Variants in CNPY1 observed in about 807,000 individuals in gnomAD.
CNPY1 encodes the protein canopy FGF signaling regulator 1, also known as protein canopy homolog 1.
In CNPY1, 14 loss-of-function variants were observed where a neutral mutation model predicts 14.4. The ratio of observed to expected loss-of-function variants is 0.97; its 90% CI spans 0.64 to 1.52. CNPY1 has a LOEUF of 1.52. Among genes scored for constraint, CNPY1 ranks in the 40% most tolerant of loss-of-function variants. CNPY1 has a pLI of 0.00. For synonymous variants in CNPY1, 43 were observed against 46.5 expected, an observed-to-expected ratio of 0.92 and a Z score of 0.31; for missense variants, 129 against 131.5, an observed-to-expected ratio of 0.98 and a Z score of 0.09.
chr7:155,517,415 C>G (rs887191983), intron 2 of CNPY1, among the ~76,000 whole-genome samples: 1 of 152,244 alleles, frequency 6.6e-6, no homozygotes, highest in Admixed American at 6.5e-5. Context: ...TGGCTCCTGT[C>G]TGTGGGACTT....
chr7:155,504,414 G>T (rs1187688552), intron 4 of CNPY1, among the ~76,000 whole-genome samples: 1 of 152,064 alleles, frequency 6.6e-6, no homozygotes, highest in Admixed American at 6.6e-5. Flanking sequence ...TGAAGAGTCT[G>T]TGAATGTGCC....
At chr7:155,517,686 G>A (rs146708010) in intron 2 of CNPY1, among the ~76,000 whole-genome samples, 43 of 152,324 alleles carry the variant, frequency 2.8e-4, no homozygotes, top group African/African-American at 9.4e-4. Context: ...GCAAAGTGGG[G>A]GCACTGGGCT....
intron 2 of CNPY1, among the ~76,000 whole-genome samples, chr7:155,538,654 T>C (rs1487424943): frequency 6.6e-6 from 1 of 152,080 alleles, no homozygotes; most frequent in African/African-American, 2.4e-5. Context: ...TCCTGACCCA[T>C]GAGATATGAG....
At position 155,504,810 on chromosome 7, in the gene CNPY1, G is replaced by A. The variant is rs145936250; in HGVS notation, c.401-1705C>T. On this transcript the variant is annotated intron_variant, in intron 4 of 4. Coordinates refer to ENST00000636446, the MANE Select transcript of CNPY1 (RefSeq NM_001393663.1). ...GGGCAAGATCACAAGGAAAAGTATC[G>A]CCTTCACAAAGCAGAGTATGACTGT... 2.7e-3 allele frequency among the ~76,000 whole-genome samples: 416 copies of A among 151,920 alleles called. 5 individuals are homozygous for A. Among genetic ancestry groups the A allele is most frequent in the African/African-American group, 9.6e-3 (397 of 41,396 alleles).
At chr7:155,526,250 C>T (rs1293272124) in intron 2 of CNPY1, among the ~76,000 whole-genome samples, 4 of 152,180 alleles carry the variant, frequency 2.6e-5, no homozygotes, top group Non-Finnish European at 4.4e-5. Flanking sequence ...ATTTGATAAA[C>T]GGCTCTGGTA....
intron 2 of CNPY1, among the ~76,000 whole-genome samples, chr7:155,521,884 C>T (rs1287562373): frequency 1.3e-5 from 2 of 152,220 alleles, no homozygotes; most frequent in Non-Finnish European, 2.9e-5. Flanking sequence ...AGCGGCCTTG[C>T]ACCTGCAGTT....
chr7:155,514,960 A>C (rs1796588706), intron 2 of CNPY1, among the ~76,000 whole-genome samples: 1 of 152,208 alleles, frequency 6.6e-6, no homozygotes, highest in Non-Finnish European at 1.5e-5. Flanking sequence ...GAAAAGGGAC[A>C]AATGAACTGG....
At chr7:155,523,686 G>A (rs558720391) in intron 2 of CNPY1, among the ~76,000 whole-genome samples, 115 of 152,252 alleles carry the variant, frequency 7.6e-4, no homozygotes, top group Admixed American at 1.2e-3. Context: ...AGTGCCCCAG[G>A]ATCCCCCAGT....
chr7:155,542,456 C>A (rs114421958), intron 2 of CNPY1, among the ~76,000 whole-genome samples: 3 of 152,178 alleles, frequency 2.0e-5, no homozygotes, highest in Non-Finnish European at 4.4e-5. Context: ...GCTTGCCCTT[C>A]GGGGCTCACC....
rs60236629 is a variant in CNPY1, at chr7:155,502,003, T to TGGGGGGGGGGTGGG, written c.*1064_*1065insCCCACCCCCCCCCC. Reference sequence around the variant, plus strand: ...GCAAAGAGTTTTGGGTCGGGGGGGTTGGGGGGGGGATTTGTAGCATCCTAC... The same window carrying TGGGGGGGGGGTGGG: ...GCAAAGAGTTTTGGGTCGGGGGGGTTGGGGGGGGGGTGGGGGGGGGGGGATTTGTAGCATCCTAC... On this transcript the variant is annotated 3_prime_UTR_variant, in exon 5 of 5. Coordinates refer to ENST00000636446, the MANE Select transcript of CNPY1 (RefSeq NM_001393663.1). The TGGGGGGGGGGTGGG allele has an allele frequency of 4.0e-5, 5 of 125,324 alleles. No homozygotes were observed. Among genetic ancestry groups the TGGGGGGGGGGTGGG allele is most frequent in the Admixed American group, 8.4e-5 (1 of 11,902 alleles). The allele number at this position is 125,324 out of a possible 1,614,324, so 7.8% of individuals were successfully genotyped here.
chr7:155,527,139 C>T lies in CNPY1; in HGVS notation c.100-18042G>A, dbSNP rs1031186216. The stretch of plus-strand genomic sequence containing the variant: ...TGATTTCAGCTCACTGCAACCTCTA[C>T]CTCACGGGTTCAAGCGATGCTCCTG... On this transcript the variant is annotated intron_variant, in intron 2 of 4. Transcript: ENST00000636446. Among the ~76,000 whole-genome samples the T allele has an allele frequency of 1.5e-4, 22 of 148,464 alleles. 1 individual carries two copies. Among genetic ancestry groups the T allele is most frequent in the African/African-American group, 5.2e-4 (21 of 40,202 alleles).
At chr7:155,542,569 G>T (rs374568396) in intron 2 of CNPY1, among the ~76,000 whole-genome samples, 2 of 152,088 alleles carry the variant, frequency 1.3e-5, no homozygotes, top group Non-Finnish European at 2.9e-5. Flanking sequence ...CCACAATGCT[G>T]CTAGTGGCAA....
chr7:155,504,489 G>A lies in CNPY1; in HGVS notation c.401-1384C>T, dbSNP rs181197181. On this transcript the variant is annotated intron_variant, in intron 4 of 4. Coordinates refer to ENST00000636446, the MANE Select transcript of CNPY1 (RefSeq NM_001393663.1). ...AATCTACATTAAGAAGAAAAAAAGC[G>A]AAACTCATATATAAACAAGGTGTAT... Among the ~76,000 whole-genome samples the A allele has an allele frequency of 1.9e-3, 290 of 152,156 alleles. 1 individual carries two copies. Among genetic ancestry groups the A allele is most frequent in the Middle Eastern group, 0.017 (5 of 294 alleles).
In CNPY1 at chr7:155,529,781, T is replaced by C. The variant is rs1001782296; in HGVS notation, c.99+16050A>G. Among the ~76,000 whole-genome samples, 705 of 151,776 alleles carry C rather than the reference T, an allele frequency of 4.6e-3. 6 individuals are homozygous for C. Among genetic ancestry groups the C allele is most frequent in the African/African-American group, 0.016 (652 of 41,404 alleles). ...TCACCCTTCAAGTTTCTTTTCTTTT[T>C]TTTTTTTCTTTAATTTTTTGAGACA... On this transcript the variant is annotated intron_variant, in intron 2 of 4. Coordinates refer to ENST00000636446, the MANE Select transcript of CNPY1 (RefSeq NM_001393663.1).
chr7:155,531,332 C>T (rs963455247), intron 2 of CNPY1, among the ~76,000 whole-genome samples: 4 of 152,178 alleles, frequency 2.6e-5, no homozygotes, highest in Admixed American at 6.5e-5. Context: ...AATTGCCTTC[C>T]GTGCTAAATG....
intron 2 of CNPY1, among the ~76,000 whole-genome samples, chr7:155,534,131 T>A (rs1370652431): frequency 1.3e-5 from 2 of 152,118 alleles, no homozygotes; most frequent in East Asian, 1.9e-4. Flanking sequence ...CCAAAACAGG[T>A]AAGCAGGAAA....
intron 2 of CNPY1, among the ~76,000 whole-genome samples, chr7:155,531,477 A>T (rs1337970759): frequency 6.6e-6 from 1 of 152,196 alleles, no homozygotes; most frequent in Non-Finnish European, 1.5e-5. Context: ...TGGATGGCGC[A>T]GTCTGGTGTT....
At chr7:155,541,387 A>C (rs987431633) in intron 2 of CNPY1, among the ~76,000 whole-genome samples, 3 of 152,222 alleles carry the variant, frequency 2.0e-5, no homozygotes, top group Admixed American at 2.0e-4. Context: ...GTCCCTGTAC[A>C]TCGTGTATTA....
chr7:155,507,253 T>C (rs1275841293), intron 3 of CNPY1, 137 bp from the exon 4 acceptor site: 1 of 648,506 alleles, frequency 1.5e-6, no homozygotes. Context: ...TTCGCCCTTT[T>C]GGTTTAATAC....
Sources: gnomAD v4.1 joint callset for allele counts (sites outside exome capture counted in the v4.1 genomes callset) on GRCh38, gnomAD v4.1.1 for gene constraint, MANE v1.5 for transcripts, NCBI Gene and HGNC (gene_info 2026-07-23, HGNC 2026-07-21) for gene names.